The following MRPL50 variants were observed in gnomAD, a reference collection of about 807,000 sequenced individuals.
The protein encoded by MRPL50 is mitochondrial ribosomal protein L50.
In MRPL50, 10 loss-of-function variants were observed where a neutral mutation model predicts 16.2. That is an observed-to-expected ratio of 0.62 (90% CI 0.38 to 1.05). MRPL50 has a LOEUF of 1.05. MRPL50 is among the 50% of genes least tolerant of loss of function. MRPL50 has a pLI of 0.01. For synonymous variants in MRPL50, 68 were observed against 66.8 expected (o/e 1.02, Z -0.09); for missense variants, 213 against 187.1 (o/e 1.14, Z -0.81).
Position 101,390,186 on chromosome 9 carries a change from C to T in MRPL50, c.*280G>A. 8.8e-7 allele frequency: 1 copy of T among 1,137,070 alleles called. No homozygotes were observed. Among genetic ancestry groups the T allele is most frequent in the Non-Finnish European group, 1.1e-6 (1 of 926,148 alleles). The allele number at this position is 1,137,070 out of a possible 1,614,324, so 70.4% of individuals were successfully genotyped here. The stretch of plus-strand genomic sequence containing the variant: ...AAAGGTGTGAACTTGCAATGTCCTC[C>T]TGTCTTAAACCCAAGTTGACAGTGC... On this transcript the variant is annotated 3_prime_UTR_variant, in exon 2 of 2. Coordinates refer to ENST00000374865, the MANE Select transcript of MRPL50 (RefSeq NM_019051.3).
At position 101,390,554 on chromosome 9, in the gene MRPL50, T is replaced by C. The variant is rs201899855; in HGVS notation, c.389A>G (p.Tyr130Cys). ...MCRVRDVLDF[Y>C]NVPIQDRSKF... The stretch of plus-strand genomic sequence containing the variant: ...AGATCTATCTTGAATAGGGACATTA[T>C]AGAAATCAAGAACATCTCTAACCCT... Residue 130 changes from tyrosine (Y) to cysteine (C), a missense_variant, in exon 2 of 2, where the codon TAT becomes TGT. Tyr to Cys is a radical substitution (Grantham distance 194, BLOSUM62 -2). Coordinates refer to ENST00000374865, the MANE Select transcript of MRPL50 (RefSeq NM_019051.3). 116 of 1,613,330 alleles carry C rather than the reference T, an allele frequency of 7.2e-5. No individual in the cohort carries two copies. Among genetic ancestry groups the C allele is most frequent in the Non-Finnish European group, 8.7e-5 (103 of 1,179,514 alleles).
chr9:101,395,279 G>A (rs376754388), intron 1 of MRPL50, among the ~76,000 whole-genome samples: 5 of 152,260 alleles, frequency 3.3e-5, no homozygotes, highest in East Asian at 3.9e-4. Flanking sequence ...ACAAATGCTG[G>A]CAAGGATGTA....
At chr9:101,397,827 T>C (rs919967950) in intron 1 of MRPL50, among the ~76,000 whole-genome samples, 15 of 152,184 alleles carry the variant, frequency 9.9e-5, no homozygotes, top group Admixed American at 3.3e-4. Context: ...CTAAGTCAAA[T>C]TAGATTTACC....
chr9:101,397,297 T>TAAAAC (rs919408360), intron 1 of MRPL50, among the ~76,000 whole-genome samples: 3 of 152,084 alleles, frequency 2.0e-5, no homozygotes, highest in Admixed American at 1.3e-4. Flanking sequence ...CTCCTTTCTC[T>TAAAAC]AAAACAAAAC....
At position 101,388,522 on chromosome 9, in the gene MRPL50, T is replaced by A. The variant is rs1321840466; in HGVS notation, c.*1944A>T. On this transcript the variant is annotated 3_prime_UTR_variant, in exon 2 of 2. Transcript: ENST00000374865. ...CAGGACATACAGCAGGCCTTCTGTA[T>A]GTAAACCCTTTAAAATTACATCATA... The A allele has an allele frequency of 6.6e-6, 1 of 152,152 alleles. No individual in the cohort carries two copies. The highest frequency in any genetic ancestry group is 1.5e-5 in the Non-Finnish European group (1 of 68,006). 9.4% of individuals were successfully genotyped at this position (152,152 alleles called of 1,614,324 possible).
Position 101,390,160 on chromosome 9 carries a change from GA to G in MRPL50, c.*305del, listed in dbSNP as rs1361634834. ...TTTCTTGCAACTACTTTATGCTTAT[GA>G]AAGGTGTGAACTTGCAATGTCCTCC... is the stretch of plus-strand genomic sequence containing the variant. On this transcript the variant is annotated 3_prime_UTR_variant, in exon 2 of 2. Coordinates refer to ENST00000374865, the MANE Select transcript of MRPL50 (RefSeq NM_019051.3). The G allele has an allele frequency of 4.6e-6, 5 of 1,085,896 alleles. No individual in the cohort carries two copies. The highest frequency in any genetic ancestry group is 4.5e-6 in the Non-Finnish European group (4 of 894,004). 67.3% of individuals were successfully genotyped at this position (1,085,896 alleles called of 1,614,324 possible).
At chr9:101,397,417 AATC>A (rs529835250) in intron 1 of MRPL50, among the ~76,000 whole-genome samples, 116 of 152,340 alleles carry the variant, frequency 7.6e-4, no homozygotes, top group Non-Finnish European at 1.5e-3. Context: ...AAGAAAATAT[AATC>A]ATCATTCTCA....
At position 101,398,607 on chromosome 9, in the gene MRPL50, A is replaced by C. The variant is rs371153679; in HGVS notation, c.-15T>G. On this transcript the variant is annotated 5_prime_UTR_variant, in exon 1 of 2. Transcript: ENST00000374865. ...CGCGCCGCCATCTTCGATGAGATCC[A>C]CGGGCCTGAGCGCAGCCTTCAGCCA... The C allele has an allele frequency of 1.2e-6, 2 of 1,612,638 alleles. No individual in the cohort carries two copies. Among genetic ancestry groups the C allele is most frequent in the Admixed American group, 1.7e-5 (1 of 60,030 alleles).
intron 1 of MRPL50, among the ~76,000 whole-genome samples, 183 bp downstream of exon 1, chr9:101,398,318 A>G (rs923935421): frequency 3.9e-5 from 6 of 152,174 alleles, no homozygotes; most frequent in Non-Finnish European, 5.9e-5. Flanking sequence ...TAAGGCCGAG[A>G]GTGGAAGAGA....
Position 101,398,581 on chromosome 9 carries a change from T to G in MRPL50, c.12A>C (p.Arg4=). The change falls in exon 1 of 2, where the codon CGA becomes CGC. Residue 4 remains arginine (R), a synonymous_variant. Transcript: ENST00000374865. MAA[R]SVSGITRRVF... ...CTCTTCTGGTAATGCCCGACACAGA[T>G]CGCGCCGCCATCTTCGATGAGATCC... The G allele has an allele frequency of 6.2e-7, 1 of 1,613,666 alleles. No individual in the cohort carries two copies. The highest frequency in any genetic ancestry group is 8.5e-7 in the Non-Finnish European group (1 of 1,180,008).
chr9:101,396,244 C>T (rs1047635031), intron 1 of MRPL50, among the ~76,000 whole-genome samples: 1 of 152,116 alleles, frequency 6.6e-6, no homozygotes, highest in Admixed American at 6.5e-5. Flanking sequence ...ATTAAGCTTC[C>T]TCAAAAGTTA....
chr9:101,398,371 T>G, intron 1 of MRPL50, 130 bp downstream of exon 1: 1 of 806,870 alleles, frequency 1.2e-6, no homozygotes, highest in Non-Finnish European at 2.0e-6. Flanking sequence ...CTCGGGACCC[T>G]AACCGGACCT....
Position 101,389,572 on chromosome 9 carries a change from T to A in MRPL50, c.*894A>T. 1 of 869,502 alleles carries A rather than the reference T, an allele frequency of 1.2e-6. No individual in the cohort carries two copies. Among genetic ancestry groups the A allele is most frequent in the Non-Finnish European group, 1.6e-6 (1 of 628,634 alleles). 53.9% of individuals were successfully genotyped at this position (869,502 alleles called of 1,614,324 possible). On this transcript the variant is annotated 3_prime_UTR_variant, in exon 2 of 2. Coordinates refer to ENST00000374865, the MANE Select transcript of MRPL50 (RefSeq NM_019051.3). ...GGAATTGTCAGCAGTCAGAACAATATAAGACATTCCTTCTGTCTCATTACT... is the reference window on the plus strand; with the variant it reads ...GGAATTGTCAGCAGTCAGAACAATAAAAGACATTCCTTCTGTCTCATTACT...
At chr9:101,396,282 G>A (rs907701625) in intron 1 of MRPL50, among the ~76,000 whole-genome samples, 3 of 152,090 alleles carry the variant, frequency 2.0e-5, no homozygotes, top group South Asian at 2.1e-4. Context: ...ACTATCCTAA[G>A]ATCTAGCAAT....
At chr9:101,397,269 T>C (rs1185471870) in intron 1 of MRPL50, among the ~76,000 whole-genome samples, 1 of 152,332 alleles carries the variant, frequency 6.6e-6, no homozygotes, top group East Asian at 1.9e-4. Context: ...AAGACCAGCC[T>C]GTGCAACATA....
At chr9:101,394,750 TG>T (rs1250616071) in intron 1 of MRPL50, among the ~76,000 whole-genome samples, 1 of 152,152 alleles carries the variant, frequency 6.6e-6, no homozygotes, top group African/African-American at 2.4e-5. Context: ...AACGACTTCT[TG>T]AGTAAGACCT....
intron 1 of MRPL50, among the ~76,000 whole-genome samples, chr9:101,395,019 G>C (rs1830322206): frequency 1.3e-5 from 2 of 152,094 alleles, no homozygotes; most frequent in South Asian, 4.2e-4. Context: ...AGAAAAATTG[G>C]CAAACTATCC....
chr9:101,393,990 C>CAAAAAAAAAA (rs76598460), intron 1 of MRPL50, among the ~76,000 whole-genome samples: 4 of 66,478 alleles, frequency 6.0e-5, no homozygotes, highest in Non-Finnish European at 9.6e-5. Flanking sequence ...TAATGCTAAG[C>CAAAAAAAAAA]AAAAAAAAAA....
At chr9:101,398,430 T>G in intron 1 of MRPL50, 71 bp downstream of exon 1, 1 of 1,421,730 alleles carries the variant, frequency 7.0e-7, no homozygotes, top group South Asian at 1.2e-5. Context: ...CGTAACACTC[T>G]ATTTTGAATT....
Sources: gnomAD v4.1 joint callset for allele counts (sites outside exome capture counted in the v4.1 genomes callset) on GRCh38, gnomAD v4.1.1 for gene constraint, MANE v1.5 for transcripts, NCBI Gene and HGNC (gene_info 2026-07-23, HGNC 2026-07-21) for gene names.